Variants in GXYLT1 observed in about 807,000 individuals in gnomAD.
GXYLT1 encodes the protein glucoside xylosyltransferase 1, also known as glycosyltransferase 8 domain containing 3.
GXYLT1 carries 29 observed loss-of-function variants against 54.0 expected under a neutral mutation model. That is an observed-to-expected ratio of 0.54 (90% CI 0.40 to 0.73). The LOEUF (loss-of-function observed/expected upper bound fraction) is 0.73. GXYLT1 is among the 30% of genes least tolerant of loss of function. GXYLT1 has a pLI of 0.00. For synonymous variants in GXYLT1, 176 were observed against 204.1 expected (o/e 0.86, Z 1.17); for missense variants, 490 against 553.4 (o/e 0.89, Z 1.15).
chr12:42,108,847 T>A (rs1048707281), intron 4 of GXYLT1, among the ~76,000 whole-genome samples: 1 of 152,228 alleles, frequency 6.6e-6, no homozygotes, highest in Non-Finnish European at 1.5e-5. Flanking sequence ...AATTCAGTAT[T>A]TCTACCATAA....
chr12:42,126,131 C>T (rs772848402), intron 2 of GXYLT1, among the ~76,000 whole-genome samples: 10 of 148,942 alleles, frequency 6.7e-5, no homozygotes, highest in Non-Finnish European at 1.3e-4. Flanking sequence ...TGGAGTGCAG[C>T]GGTGTGGTAT....
intron 2 of GXYLT1, among the ~76,000 whole-genome samples, chr12:42,119,462 G>C (rs1024957295): frequency 5.9e-5 from 9 of 151,502 alleles, no homozygotes; most frequent in African/African-American, 2.2e-4. Context: ...AAGGCAAAGG[G>C]AAAGGGAGGG....
chr12:42,120,599 T>C (rs746744042), intron 2 of GXYLT1, among the ~76,000 whole-genome samples: 5 of 152,136 alleles, frequency 3.3e-5, no homozygotes, highest in Non-Finnish European at 5.9e-5. Flanking sequence ...GGTGCATTCA[T>C]AGCTCACTGC....
intron 1 of GXYLT1, among the ~76,000 whole-genome samples, chr12:42,141,967 T>G (rs148559584): frequency 6.6e-6 from 1 of 152,230 alleles, no homozygotes; most frequent in South Asian, 2.1e-4. Context: ...ATACCATGAA[T>G]AGTTTTTATA....
Position 42,123,657 on chromosome 12 carries a change from T to G in GXYLT1, c.315-4486A>C, listed in dbSNP as rs570223502. 2.6e-5 allele frequency among the ~76,000 whole-genome samples: 4 copies of G among 152,228 alleles called. No homozygotes were observed. The South Asian group carries it at 8.3e-4, about 32-fold the overall frequency. On this transcript the variant is annotated intron_variant, in intron 2 of 7. Transcript: ENST00000398675. ...GATTTTGTTTTATTTCACAGTATGA[T>G]CTCCAGTGTGTTCTTATAGCCTATT...
chr12:42,110,694 G>A (rs1016594844), intron 3 of GXYLT1, among the ~76,000 whole-genome samples: 5 of 152,140 alleles, frequency 3.3e-5, no homozygotes, highest in African/African-American at 9.7e-5. Context: ...GGGACTACAG[G>A]TGCATGCCAC....
chr12:42,104,636 G>A (rs1044075638), intron 5 of GXYLT1, among the ~76,000 whole-genome samples: 1 of 151,776 alleles, frequency 6.6e-6, no homozygotes, highest in Non-Finnish European at 1.5e-5. Context: ...TAAGACTGAA[G>A]TGTTGGCACA....
At chr12:42,115,230 A>G (rs908080364) in intron 3 of GXYLT1, among the ~76,000 whole-genome samples, 1 of 152,212 alleles carries the variant, frequency 6.6e-6, no homozygotes, top group Non-Finnish European at 1.5e-5. Context: ...CAAGACAGGG[A>G]TGCCCTCTCT....
chr12:42,144,381 G>A (rs2065668313), intron 1 of GXYLT1, 45 bp downstream of exon 1: 32 of 1,284,904 alleles, frequency 2.5e-5, no homozygotes, highest in East Asian at 7.3e-5. Context: ...CCCGCGCCCA[G>A]CGCCCCGCGC....
intron 3 of GXYLT1, among the ~76,000 whole-genome samples, chr12:42,117,281 T>C (rs1401166604): frequency 1.3e-5 from 2 of 151,470 alleles, no homozygotes; most frequent in Non-Finnish European, 2.9e-5. Context: ...AGTATAATAA[T>C]AATAAAATTT....
intron 1 of GXYLT1, among the ~76,000 whole-genome samples, chr12:42,132,779 GTTTT>G (rs2065599851): frequency 1.3e-5 from 2 of 151,088 alleles, no homozygotes. Flanking sequence ...CAATGTTTTT[GTTTT>G]GTTTTTTTTT....
At chr12:42,140,201 G>T (rs1341399278) in intron 1 of GXYLT1, among the ~76,000 whole-genome samples, 1 of 9,574 alleles carries the variant, frequency 1.0e-4, no homozygotes, top group Non-Finnish European at 2.7e-4. Context: ...AAAAAAAGGC[G>T]GGGGGGGGGG....
intron 7 of GXYLT1, among the ~76,000 whole-genome samples, chr12:42,093,830 G>C (rs887276844): frequency 6.6e-6 from 1 of 152,020 alleles, no homozygotes; most frequent in African/African-American, 2.4e-5. Context: ...GAGCCACTGC[G>C]CCCAGCCAAA....
intron 3 of GXYLT1, among the ~76,000 whole-genome samples, 185 bp downstream of exon 3, chr12:42,118,815 A>T (rs2065512335): frequency 6.6e-6 from 1 of 152,128 alleles, no homozygotes; most frequent in African/African-American, 2.4e-5. Flanking sequence ...TTCTGCCATG[A>T]TTCTAAGTTT....
intron 5 of GXYLT1, among the ~76,000 whole-genome samples, chr12:42,103,490 AT>A (rs1288516398): frequency 6.6e-6 from 1 of 152,222 alleles, no homozygotes. Flanking sequence ...AATTTCTAAA[AT>A]TTAAGATCTG....
At position 42,098,023 on chromosome 12, in the gene GXYLT1, G is replaced by A. The variant is rs1273459039; in HGVS notation, c.875C>T (p.Thr292Ile). ...ATCTCCCCATTGTAGTCGTACAGTTGTCATATCATTCTGTTGATAAAAACA... is the reference window on the plus strand; with the variant it reads ...ATCTCCCCATTGTAGTCGTACAGTTATCATATCATTCTGTTGATAAAAACA... ...MRRKYFKNDM[T>I]TVRLQWGDIL... Residue 292 changes from threonine to isoleucine, a missense_variant, in exon 6 of 8, where the codon ACA becomes ATA. Physicochemically the swap from Thr to Ile is moderately conservative, Grantham distance 89 (BLOSUM62 -1). Around this residue, in one of 2 missense-constraint regions of GXYLT1, gnomAD observed 342 missense variants for 342.6 expected, o/e 1.00. Coordinates refer to ENST00000398675, the MANE Select transcript of GXYLT1 (RefSeq NM_173601.2). 2 of 1,608,010 alleles carry A rather than the reference G, an allele frequency of 1.2e-6. No individual in the cohort carries two copies. The highest frequency in any genetic ancestry group is 1.7e-6 in the Non-Finnish European group (2 of 1,177,354).
intron 5 of GXYLT1, among the ~76,000 whole-genome samples, chr12:42,099,198 G>A (rs890677989): frequency 5.9e-5 from 9 of 152,074 alleles, no homozygotes; most frequent in Admixed American, 6.5e-5. Context: ...TTACAACCCT[G>A]CTAACAAAAG....
chr12:42,111,716 A>T (rs903215991), intron 3 of GXYLT1, among the ~76,000 whole-genome samples: 1 of 152,200 alleles, frequency 6.6e-6, no homozygotes, highest in African/African-American at 2.4e-5. Context: ...GGGGCAGGGC[A>T]CGGACAAACA....
Position 42,106,772 on chromosome 12 carries a change from G to C in GXYLT1, c.613-703C>G, listed in dbSNP as rs1186602119. Reference sequence around the variant, plus strand: ...TTTTTTTTTTTTTTTTTGAGACAGAGTCTCACTCTGTCACCCAGGCTGGAG... The same window carrying C: ...TTTTTTTTTTTTTTTTTGAGACAGACTCTCACTCTGTCACCCAGGCTGGAG... On this transcript the variant is annotated intron_variant, in intron 4 of 7. Transcript: ENST00000398675. 3.7e-5 allele frequency among the ~76,000 whole-genome samples: 5 copies of C among 136,878 alleles called. No individual in the cohort carries two copies. The East Asian group carries it at 1.1e-3, about 29-fold the overall frequency. 89.8% of individuals were successfully genotyped at this position (136,878 alleles called of 152,430 possible). A position where few individuals can be genotyped will look rare whatever the true frequency, so the allele number is the denominator to read the frequency against.
Sources: gnomAD v4.1 joint callset for allele counts (sites outside exome capture counted in the v4.1 genomes callset) on GRCh38, gnomAD v4.1.1 for gene constraint, gnomAD v4.1.1 regional missense constraint, MANE v1.5 for transcripts, NCBI Gene and HGNC (gene_info 2026-07-23, HGNC 2026-07-21) for gene names.